STT3B: variants seen among roughly 807,000 people sequenced by gnomAD.
STT3B encodes dolichyl-diphosphooligosaccharide--protein glycosyltransferase subunit STT3B.
In STT3B, 29 loss-of-function variants were observed where a neutral mutation model predicts 96.8. The ratio of observed to expected loss-of-function variants is 0.30; its 90% CI spans 0.22 to 0.41. The LOEUF (loss-of-function observed/expected upper bound fraction) is 0.41, where lower values mean the gene tolerates loss of function less well. Ranked by LOEUF, STT3B falls within the 10% of genes least tolerant of loss-of-function variation. STT3B has a pLI of 1.00. For synonymous variants in STT3B, 367 were observed against 360.0 expected (o/e 1.02, Z -0.22); for missense variants, 640 against 1,022.3 (o/e 0.63, Z 5.10).
rs116710504 is a variant in STT3B, at chr3:31,586,923, T to C, written c.711+6827T>C. Among the ~76,000 whole-genome samples the C allele has an allele frequency of 6.1e-3, 934 of 152,254 alleles. 17 individuals are homozygous for C. Among genetic ancestry groups the C allele is most frequent in the African/African-American group, 0.021 (868 of 41,554 alleles). ...ACGGAAAAGCCTTCTGGGATGTTGA[T>C]TGGAAGTGCATTGAATGTATAGGTC... On this transcript the variant is annotated intron_variant, in intron 3 of 15. Coordinates refer to ENST00000295770, the MANE Select transcript of STT3B (RefSeq NM_178862.3).
chr3:31,628,003 A>ACC (rs1156896179), intron 13 of STT3B, among the ~76,000 whole-genome samples: 10 of 104,378 alleles, frequency 9.6e-5, no homozygotes, highest in African/African-American at 2.7e-4. Flanking sequence ...AAAAAAGTCT[A>ACC]CCCCCCCTAA....
At chr3:31,599,117 A>G (rs1698865022) in intron 4 of STT3B, among the ~76,000 whole-genome samples, 2 of 151,962 alleles carry the variant, frequency 1.3e-5, no homozygotes, top group South Asian at 4.1e-4. Context: ...CCACCTACAT[A>G]TTTTTTTAAA....
chr3:31,576,265 C>A, intron 1 of STT3B, 131 bp from the exon 2 acceptor site: 29 of 395,606 alleles, frequency 7.3e-5, no homozygotes, highest in Admixed American at 9.1e-5. Context: ...TTGATATCTT[C>A]AGATTATGTT....
At chr3:31,570,809 G>A (rs1575419233) in intron 1 of STT3B, among the ~76,000 whole-genome samples, 1 of 152,106 alleles carries the variant, frequency 6.6e-6, no homozygotes, top group East Asian at 1.9e-4. Flanking sequence ...TGGAAAACAC[G>A]GATGTAAGGA....
intron 14 of STT3B, among the ~76,000 whole-genome samples, chr3:31,632,694 T>C (rs1023688217): frequency 9.9e-5 from 15 of 151,128 alleles, no homozygotes; most frequent in African/African-American, 3.6e-4. Flanking sequence ...TTAATGCCTT[T>C]AGAATGCTCA....
rs55707310 is a variant in STT3B, at chr3:31,559,146, GGTGTGTGTGTGTGT to G, written c.315-17219_315-17206del. On this transcript the variant is annotated intron_variant, in intron 1 of 15. Transcript: ENST00000295770. ...TTGTTTTTGTTTCATTGATTCTTGG[GGTGTGTGTGTGTGT>G]GTGTGTGTGTGTGTGTGTGTGTGTG... is the stretch of plus-strand genomic sequence containing the variant. Among the ~76,000 whole-genome samples, 62 of 116,532 alleles carry G rather than the reference GGTGTGTGTGTGTGT, an allele frequency of 5.3e-4. No individual in the cohort carries two copies. The Middle Eastern group carries it at 0.012, about 23-fold the overall frequency. The allele number at this position is 116,532 out of a possible 152,430, so 76.4% of individuals were successfully genotyped here.
intron 1 of STT3B, among the ~76,000 whole-genome samples, chr3:31,564,324 T>C (rs1697950519): frequency 6.6e-6 from 1 of 152,204 alleles, no homozygotes; most frequent in African/African-American, 2.4e-5. Context: ...CTTTACTATA[T>C]ATACCAGGCA....
intron 3 of STT3B, among the ~76,000 whole-genome samples, chr3:31,582,597 T>C (rs1305534665): frequency 6.6e-6 from 1 of 151,948 alleles, no homozygotes; most frequent in Admixed American, 6.6e-5. Context: ...CCAGCCCTAG[T>C]TTGTTCTTTT....
chr3:31,544,498 C>T (rs1697353457), intron 1 of STT3B, among the ~76,000 whole-genome samples: 1 of 152,142 alleles, frequency 6.6e-6, no homozygotes, highest in African/African-American at 2.4e-5. Flanking sequence ...TAGAATCATT[C>T]CATGTAATAA....
At chr3:31,597,965 G>T (rs573070437) in intron 4 of STT3B, among the ~76,000 whole-genome samples, 11 of 151,188 alleles carry the variant, frequency 7.3e-5, no homozygotes. Context: ...CCTCCCAAGT[G>T]GCTGAGATTG....
intron 1 of STT3B, among the ~76,000 whole-genome samples, chr3:31,547,288 G>A (rs56891161): frequency 1.7e-4 from 26 of 152,128 alleles, no homozygotes; most frequent in African/African-American, 6.0e-4. Context: ...ATGTAGTGGC[G>A]AAATATTTTG....
chr3:31,535,039 A>G (rs1697052586), intron 1 of STT3B, among the ~76,000 whole-genome samples: 1 of 152,204 alleles, frequency 6.6e-6, no homozygotes, highest in African/African-American at 2.4e-5. Context: ...TTTTCAGATT[A>G]AAATAGCAGA....
intron 5 of STT3B, among the ~76,000 whole-genome samples, chr3:31,607,527 A>T (rs773944113): frequency 6.6e-6 from 1 of 152,106 alleles, no homozygotes; most frequent in Admixed American, 6.6e-5. Context: ...TCTCTCTTGC[A>T]TGCCACCTTG....
At chr3:31,587,403 G>A (rs892251173) in intron 3 of STT3B, among the ~76,000 whole-genome samples, 3 of 151,840 alleles carry the variant, frequency 2.0e-5, no homozygotes, top group African/African-American at 7.3e-5. Context: ...GTTGCCTTTT[G>A]TATCTTTTTT....
At chr3:31,596,976 T>TAA in intron 4 of STT3B, 113 bp downstream of exon 4, 1 of 788,140 alleles carries the variant, frequency 1.3e-6, no homozygotes, top group Non-Finnish European at 2.0e-6. Flanking sequence ...AATCTTTCAT[T>TAA]ACTACCATCC....
intron 5 of STT3B, among the ~76,000 whole-genome samples, chr3:31,607,986 T>G (rs988422839): frequency 8.5e-5 from 13 of 152,220 alleles, no homozygotes; most frequent in African/African-American, 3.1e-4. Context: ...AGTATGTAAT[T>G]AAACAAGTAG....
At chr3:31,539,925 T>G (rs114798459) in intron 1 of STT3B, among the ~76,000 whole-genome samples, 3 of 152,284 alleles carry the variant, frequency 2.0e-5, no homozygotes, top group Non-Finnish European at 4.4e-5. Flanking sequence ...AGACTCAGAA[T>G]TCTATAACCC....
chr3:31,602,600 T>C (rs911515754), intron 5 of STT3B, among the ~76,000 whole-genome samples: 73 of 151,930 alleles, frequency 4.8e-4, no homozygotes, highest in African/African-American at 1.7e-3. Flanking sequence ...CCCTTTAACC[T>C]TAGCACCAAG....
intron 1 of STT3B, 123 bp downstream of exon 1, chr3:31,533,435 C>T (rs1696996081): frequency 7.4e-6 from 9 of 1,218,326 alleles, no homozygotes; most frequent in South Asian, 5.3e-5. Context: ...CGCGTCCTGG[C>T]TGAGGCCGGC....
Sources: allele counts gnomAD v4.1 joint callset (sites outside exome capture counted in the v4.1 genomes callset), GRCh38; gene constraint gnomAD v4.1.1; transcripts MANE v1.5; gene names NCBI Gene and HGNC (gene_info 2026-07-23, HGNC 2026-07-21).